Variants in ITGB5 observed in about 807,000 individuals in gnomAD.
The protein encoded by ITGB5 is integrin beta-5.
Under a neutral mutation model 84.8 loss-of-function variants are expected in ITGB5, and 38 were observed. The ratio of observed to expected loss-of-function variants is 0.45; its 90% CI spans 0.35 to 0.59. The LOEUF (loss-of-function observed/expected upper bound fraction) is 0.59, where lower values mean the gene tolerates loss of function less well. ITGB5 is among the 20% of genes least tolerant of loss of function. The pLI, the probability that ITGB5 is intolerant of heterozygous loss-of-function variation, is 0.01. For missense variants in ITGB5, 905 were observed against 1,034.5 expected, an observed-to-expected ratio of 0.87 and a Z score of 1.72; for synonymous variants, 393 against 414.4, an observed-to-expected ratio of 0.95 and a Z score of 0.63.
intron 1 of ITGB5, among the ~76,000 whole-genome samples, chr3:124,897,574 C>G (rs1018922400): frequency 7.2e-5 from 11 of 152,208 alleles, no homozygotes; most frequent in Non-Finnish European, 1.5e-4. Context: ...GTAATCCCAG[C>G]ACTTGGGAGG....
Position 124,763,660 on chromosome 3 carries a change from TTGAAGG to T in ITGB5, c.2357_2362del (p.Thr786_Phe787del). 6.3e-7 allele frequency: 1 copy of T among 1,585,266 alleles called. No individual in the cohort carries two copies. The highest frequency in any genetic ancestry group is 8.7e-7 in the Non-Finnish European group (1 of 1,155,058). On this transcript the variant is annotated inframe_deletion, in exon 15 of 15. Transcript: ENST00000296181. Reference sequence around the variant, plus strand: ...GCCATTGTAGGATTTGTTGAACTTGTTGAAGGTGAAGTCCACAGTGTGCGTGGAGAT... The same window carrying T: ...GCCATTGTAGGATTTGTTGAACTTGTTGAAGTCCACAGTGTGCGTGGAGAT...
At chr3:124,780,814 T>C (rs1193915338) in intron 10 of ITGB5, 1 of 150,576 alleles carries the variant, frequency 6.6e-6, no homozygotes, top group Non-Finnish European at 1.5e-5. Context: ...TCCGAAAAGG[T>C]GGCCATGTAA....
At chr3:124,813,678 G>A (rs553285192) in intron 8 of ITGB5, among the ~76,000 whole-genome samples, 38 of 152,306 alleles carry the variant, frequency 2.5e-4, no homozygotes, top group African/African-American at 8.4e-4. Context: ...GTGTGAGGAG[G>A]GTGCAGAACT....
rs1446969042 is a variant in ITGB5, at chr3:124,766,320, T to C, written c.2043A>G (p.Leu681=). 3.7e-6 allele frequency: 6 copies of C among 1,614,112 alleles called. No homozygotes were observed. The East Asian group carries it at 6.7e-5, about 18-fold the overall frequency. ...AGTCCTTGGCGGTTTTGTAGAAACATAGCACAGCCTCCTGGTCATCTTTCA... is the reference window on the plus strand; with the variant it reads ...AGTCCTTGGCGGTTTTGTAGAAACACAGCACAGCCTCCTGGTCATCTTTCA... ...TIVKDDQEAV[L]CFYKTAKDCV... The change falls in exon 13 of 15, where the codon CTA becomes CTG. Residue 681 remains leucine, a synonymous_variant. Transcript: ENST00000296181.
chr3:124,825,171 T>C (rs9814959), intron 5 of ITGB5, among the ~76,000 whole-genome samples: 5,140 of 139,164 alleles, frequency 0.037, 125 homozygotes, highest in African/African-American at 0.074. Flanking sequence ...CACTCCAGCC[T>C]GGGCAACAGA....
chr3:124,796,760 C>T lies in ITGB5; in HGVS notation c.1321G>A (p.Val441Met). 3 of 1,613,948 alleles carry T rather than the reference C, an allele frequency of 1.9e-6. No homozygotes were observed. Among genetic ancestry groups the T allele is most frequent in the Non-Finnish European group, 2.5e-6 (3 of 1,179,950 alleles). Residue 441 changes from valine (V) to methionine (M), a missense_variant, in exon 10 of 15, where the codon GTG becomes ATG. Val to Met is a conservative substitution (Grantham distance 21, BLOSUM62 1). Transcript: ENST00000296181. ...AATCCCACCGGCCGCAGGGCAAACA[C>T]ATGCTCCGTGTGTCTGCTGGGACAG... ...RSCPSRHTEH[V>M]FALRPVGFRD... is the part of the protein sequence containing the mutation.
intron 1 of ITGB5, among the ~76,000 whole-genome samples, chr3:124,873,965 T>C (rs62265645): frequency 0.096 from 14,580 of 151,698 alleles, 890 homozygotes; most frequent in Middle Eastern, 0.15. Flanking sequence ...CACATCAAAA[T>C]GTACAGTGTA....
At chr3:124,811,269 C>T (rs1055525151) in intron 8 of ITGB5, among the ~76,000 whole-genome samples, 6 of 152,102 alleles carry the variant, frequency 3.9e-5, no homozygotes, top group Non-Finnish European at 8.8e-5. Flanking sequence ...TGACTTAGTA[C>T]AATCTGTCGT....
intron 1 of ITGB5, among the ~76,000 whole-genome samples, chr3:124,893,400 T>G (rs1444257545): frequency 6.6e-6 from 1 of 152,192 alleles, no homozygotes; most frequent in Non-Finnish European, 1.5e-5. Context: ...AGAGTGACAC[T>G]TTGTCTCAAA....
At chr3:124,822,055 G>T (rs75013954) in intron 5 of ITGB5, among the ~76,000 whole-genome samples, 2,272 of 150,696 alleles carry the variant, frequency 0.015, 57 homozygotes, top group African/African-American at 0.052. Flanking sequence ...TGTTATTTGA[G>T]CCACATTGGT....
At chr3:124,874,644 C>A (rs1326124203) in intron 1 of ITGB5, among the ~76,000 whole-genome samples, 1 of 152,148 alleles carries the variant, frequency 6.6e-6, no homozygotes, top group African/African-American at 2.4e-5. Context: ...ACAGTACTGG[C>A]ATAAAAACAG....
intron 2 of ITGB5, among the ~76,000 whole-genome samples, chr3:124,860,196 TTATAA>T (rs899502921): frequency 8.5e-5 from 13 of 152,314 alleles, no homozygotes; most frequent in Admixed American, 6.5e-4. Context: ...GCAGTATTAC[TTATAA>T]TATAATCTTT....
intron 1 of ITGB5, among the ~76,000 whole-genome samples, chr3:124,877,612 GATA>G (rs1934385117): frequency 6.6e-6 from 1 of 152,154 alleles, no homozygotes; most frequent in African/African-American, 2.4e-5. Context: ...GAAAATGTAA[GATA>G]ATGAGAGTAT....
intron 12 of ITGB5, among the ~76,000 whole-genome samples, chr3:124,768,053 G>C (rs1298411322): frequency 6.6e-6 from 1 of 152,190 alleles, no homozygotes; most frequent in African/African-American, 2.4e-5. Context: ...CTGGGTGACA[G>C]AGACCCTGTC....
intron 1 of ITGB5, among the ~76,000 whole-genome samples, chr3:124,900,972 A>G (rs2107663918): frequency 6.6e-6 from 1 of 152,356 alleles, no homozygotes; most frequent in East Asian, 1.9e-4. Context: ...TTCAGTAAAA[A>G]TGATGCAAAT....
intron 5 of ITGB5, among the ~76,000 whole-genome samples, chr3:124,829,348 G>A (rs7625270): frequency 2.0e-5 from 3 of 152,230 alleles, no homozygotes; most frequent in Non-Finnish European, 2.9e-5. Flanking sequence ...AGATGAAAGC[G>A]TTAGGAGCGC....
chr3:124,807,966 A>G (rs2064434466), intron 9 of ITGB5, among the ~76,000 whole-genome samples: 1 of 144,860 alleles, frequency 6.9e-6, no homozygotes, highest in African/African-American at 2.5e-5. Context: ...AAAAAAAAAA[A>G]AAAAAAAAAA....
At position 124,884,440 on chromosome 3, in the gene ITGB5, C is replaced by A. The variant is rs13079779; in HGVS notation, c.70+2491G>T. Reference sequence around the variant, plus strand: ...CAGAGGCCAGCCGTGGTGGCTCACACCTGTAATCCTAGCATTTTGGGAGGC... The same window carrying A: ...CAGAGGCCAGCCGTGGTGGCTCACAACTGTAATCCTAGCATTTTGGGAGGC... On this transcript the variant is annotated intron_variant, in intron 1 of 14. Coordinates refer to ENST00000296181, the MANE Select transcript of ITGB5 (RefSeq NM_002213.5). 1.1e-4 allele frequency among the ~76,000 whole-genome samples: 16 copies of A among 152,012 alleles called. 1 individual carries two copies. In the South Asian group the frequency reaches 3.3e-3, roughly 32 times the overall value.
intron 10 of ITGB5, 96 bp from the exon 11 acceptor site, chr3:124,774,008 G>A: frequency 1.8e-6 from 2 of 1,138,366 alleles, no homozygotes; most frequent in Non-Finnish European, 2.5e-6. Flanking sequence ...GGATTCAGCA[G>A]AGAATGGAAC....
Sources: allele counts gnomAD v4.1 joint callset (sites outside exome capture counted in the v4.1 genomes callset), GRCh38; gene constraint gnomAD v4.1.1; transcripts MANE v1.5; gene names NCBI Gene and HGNC (gene_info 2026-07-23, HGNC 2026-07-21).